Variants in YY1AP1 observed in about 807,000 individuals in gnomAD.
YY1AP1 encodes YY1 associated protein 1, also known as YY1-associated protein 1.
YY1AP1 carries 43 observed loss-of-function variants against 39.9 expected under a neutral mutation model. The observed-to-expected ratio is 1.08, with a 90% confidence interval of 0.84 to 1.39. The LOEUF (loss-of-function observed/expected upper bound fraction) is 1.39, where lower values mean the gene tolerates loss of function less well. YY1AP1 is among the 40% of genes most tolerant of loss of function. The pLI is 0.00. For synonymous variants in YY1AP1, 292 were observed against 331.3 expected, an observed-to-expected ratio of 0.88 and a Z score of 1.29; for missense variants, 813 against 900.7, an observed-to-expected ratio of 0.90 and a Z score of 1.25.
At chr1:155,669,703 T>C (rs2149041532) in intron 8 of YY1AP1, among the ~76,000 whole-genome samples, 1 of 152,282 alleles carries the variant, frequency 6.6e-6, no homozygotes, top group Admixed American at 6.5e-5. Flanking sequence ...CTGTTAACAG[T>C]GTGGCAATAC....
chr1:155,682,520 T>C (rs1651668546), intron 2 of YY1AP1, among the ~76,000 whole-genome samples: 1 of 152,002 alleles, frequency 6.6e-6, no homozygotes, highest in Admixed American at 6.6e-5. Flanking sequence ...CCACAACACC[T>C]GGATAATTTT....
Position 155,660,450 on chromosome 1 carries a change from G to C in YY1AP1, c.1460C>G (p.Pro487Arg), listed in dbSNP as rs373553503. 13 of 1,613,994 alleles carry C rather than the reference G, an allele frequency of 8.1e-6. No individual in the cohort carries two copies. The African/African-American group carries it at 1.6e-4, about 20-fold the overall frequency. Residue 487 changes from proline (P) to arginine (R), a missense_variant, in exon 11 of 11, where the codon CCC becomes CGC. Around this residue, in one of 3 missense-constraint regions of YY1AP1, gnomAD observed 586 missense variants for 647.4 expected, o/e 0.91. Coordinates refer to ENST00000355499, the MANE Select transcript of YY1AP1 (RefSeq NM_139119.3). The stretch of plus-strand genomic sequence containing the variant: ...AGGGAAGCTTGTCCTGGCCTCAGGG[G>C]GCATAGCAGGCAGTGCTGCAGGAGA... ...FESPAALPAM[P>R]PEARTSFPLS... is the part of the protein sequence containing the mutation.
rs1309011144 is a variant in YY1AP1 at position 155,660,516 on chromosome 1, C to T, written c.1394G>A (p.Gly465Asp). 6.2e-7 allele frequency: 1 copy of T among 1,614,162 alleles called. No homozygotes were observed. The highest frequency in any genetic ancestry group is 1.7e-5 in the Admixed American group (1 of 60,030). The change falls in exon 11 of 11, where the codon GGT becomes GAT. Residue 465 changes from glycine (G) to aspartate (D), a missense_variant. By Grantham distance (94) the Gly-to-Asp change is moderately conservative. Around this residue, in one of 3 missense-constraint regions of YY1AP1, gnomAD observed 586 missense variants for 647.4 expected, o/e 0.91. Coordinates refer to ENST00000355499, the MANE Select transcript of YY1AP1 (RefSeq NM_139119.3). ...QPATVLQTVP[G>D]VPPLGVSGGE... Reference sequence around the variant, plus strand: ...TCCACTGACCCCCAGTGGAGGGACACCTGGAACTGTCTGTAAAACAGTGGC... The same window carrying T: ...TCCACTGACCCCCAGTGGAGGGACATCTGGAACTGTCTGTAAAACAGTGGC...
chr1:155,680,482 T>C, intron 2 of YY1AP1, 26 bp from the exon 3 acceptor site: 1 of 1,601,892 alleles, frequency 6.2e-7, no homozygotes, highest in Non-Finnish European at 8.6e-7. Context: ...ACGTTGTTGG[T>C]ATAAATTAGA....
intron 9 of YY1AP1, among the ~76,000 whole-genome samples, chr1:155,664,109 G>C (rs910159724): frequency 6.6e-6 from 1 of 151,190 alleles, no homozygotes; most frequent in East Asian, 1.9e-4. Flanking sequence ...GGGCAACAGG[G>C]TGGGACCCTG....
intron 1 of YY1AP1, 50 bp from the exon 2 acceptor site, chr1:155,688,251 C>G: frequency 6.2e-7 from 1 of 1,607,868 alleles, no homozygotes; most frequent in Non-Finnish European, 8.5e-7. Context: ...GCTAAAGGGG[C>G]AAACTGAGAG....
Position 155,660,573 on chromosome 1 carries a change from A to T in YY1AP1, c.1337T>A (p.Met446Lys). The T allele has an allele frequency of 1.2e-6, 2 of 1,614,048 alleles. No individual in the cohort carries two copies. The highest frequency in any genetic ancestry group is 1.7e-6 in the Non-Finnish European group (2 of 1,179,980). ...TATTGGGTGAGGAATCCGGAGCACC[A>T]TTTTGCTCGGAGGGGCTTCTGAATG... ...STHSEAPPSK[M>K]VLRIPHPIQP... Residue 446 changes from methionine to lysine, a missense_variant, in exon 11 of 11, where the codon ATG (methionine) becomes AAG (lysine). Around this residue, in one of 3 missense-constraint regions of YY1AP1, gnomAD observed 586 missense variants for 647.4 expected, o/e 0.91. Coordinates refer to ENST00000355499, the MANE Select transcript of YY1AP1 (RefSeq NM_139119.3).
At chr1:155,678,952 G>T (rs1651123050) in intron 4 of YY1AP1, among the ~76,000 whole-genome samples, 1 of 152,182 alleles carries the variant, frequency 6.6e-6, no homozygotes, top group Admixed American at 6.5e-5. Flanking sequence ...AGGCAAAAAG[G>T]TCAGCACGTA....
intron 2 of YY1AP1, among the ~76,000 whole-genome samples, chr1:155,683,987 C>T (rs1651870131): frequency 6.6e-6 from 1 of 152,178 alleles, no homozygotes; most frequent in South Asian, 2.1e-4. Context: ...GTGGCTCACT[C>T]CTATAATCCC....
intron 6 of YY1AP1, among the ~76,000 whole-genome samples, chr1:155,673,435 GT>G (rs1650154483): frequency 6.6e-6 from 1 of 152,208 alleles, no homozygotes; most frequent in Non-Finnish European, 1.5e-5. Flanking sequence ...CACCAAGGAA[GT>G]TTTAGAATAC....
intron 1 of YY1AP1, 129 bp downstream of exon 1, chr1:155,688,530 A>G: frequency 5.2e-6 from 8 of 1,542,950 alleles, no homozygotes; most frequent in Non-Finnish European, 5.2e-6. Flanking sequence ...GCTCCCACCA[A>G]CCACCACCTT....
intron 4 of YY1AP1, among the ~76,000 whole-genome samples, chr1:155,678,652 C>A (rs575808156): frequency 6.6e-6 from 1 of 152,214 alleles, no homozygotes; most frequent in African/African-American, 2.4e-5. Context: ...ATTGGTTGGC[C>A]TATCTTATCT....
chr1:155,661,202 T>C, intron 10 of YY1AP1, 105 bp downstream of exon 10: 1 of 1,612,720 alleles, frequency 6.2e-7, no homozygotes, highest in African/African-American at 1.3e-5. Flanking sequence ...CCTGAAGTCC[T>C]AGTTCTACAA....
chr1:155,659,770 G>C lies in YY1AP1; in HGVS notation c.2140C>G (p.Pro714Ala), dbSNP rs1647736392. The C allele has an allele frequency of 6.2e-7, 1 of 1,614,222 alleles. No individual in the cohort carries two copies. The highest frequency in any genetic ancestry group is 2.2e-5 in the East Asian group (1 of 44,888). ...KTEEGRQALE[P>A]LPQGIQESLN... The stretch of plus-strand genomic sequence containing the variant: ...GACTCCTGGATGCCCTGAGGGAGCG[G>C]CTCCAGAGCTTGCCTTCCCTCCTCT... Residue 714 changes from proline to alanine, a missense_variant, in exon 11 of 11, where the codon CCG becomes GCG. Transcript: ENST00000355499.
chr1:155,679,890 T>G (rs932918726), intron 3 of YY1AP1: 115 of 757,868 alleles, frequency 1.5e-4, no homozygotes, highest in Non-Finnish European at 1.9e-4. Context: ...GGGGAAGCCA[T>G]CAAAAGTTTT....
At chr1:155,688,872 T>G, upstream of YY1AP1, 1 of 1,608,712 alleles carries the variant, frequency 6.2e-7, no homozygotes, top group African/African-American at 1.3e-5. Context: ...AAAGCGAGTC[T>G]GGCTTGCCGT....
Position 155,682,405 on chromosome 1 carries a change from A to T in YY1AP1, c.-20-1949T>A, listed in dbSNP as rs376251077. ...GCTATTTAGAAGATAAAAAATAGAC[A>T]TTTTTTTCAACAATCATTTTACTTT... On this transcript the variant is annotated intron_variant, in intron 2 of 10. Coordinates refer to ENST00000355499, the MANE Select transcript of YY1AP1 (RefSeq NM_139119.3). Among the ~76,000 whole-genome samples the T allele has an allele frequency of 4.6e-5, 7 of 152,070 alleles. No individual in the cohort carries two copies. In the East Asian group the frequency reaches 1.2e-3, roughly 25 times the overall value.
In YY1AP1 at chr1:155,679,438, T is replaced by C. The variant is rs746454557; in HGVS notation, c.96A>G (p.Gln32=). The change falls in exon 4 of 11, where the codon CAA becomes CAG. Residue 32 remains glutamine, a synonymous_variant. Coordinates refer to ENST00000355499, the MANE Select transcript of YY1AP1 (RefSeq NM_139119.3). Reference sequence around the variant, plus strand: ...GAGCTTGAGGGGTGTTAAAGTTAGCTTGAGGCTCAGCCACACGCTCCTCCT... The same window carrying C: ...GAGCTTGAGGGGTGTTAAAGTTAGCCTGAGGCTCAGCCACACGCTCCTCCT... ...PEEEERVAEP[Q]ANFNTPQALR... 4.3e-6 allele frequency: 7 copies of C among 1,614,222 alleles called. No homozygotes were observed. The highest frequency in any genetic ancestry group is 3.3e-5 in the South Asian group (3 of 91,082).
intron 1 of YY1AP1, 185 bp downstream of exon 1, chr1:155,688,474 A>C: frequency 5.2e-6 from 8 of 1,549,496 alleles, no homozygotes; most frequent in Non-Finnish European, 7.0e-6. Flanking sequence ...TGTAGCGCGC[A>C]CGTCAGCCCG....
Sources: gnomAD v4.1 joint callset for allele counts (sites outside exome capture counted in the v4.1 genomes callset) on GRCh38, gnomAD v4.1.1 for gene constraint, gnomAD v4.1.1 regional missense constraint, MANE v1.5 for transcripts, NCBI Gene and HGNC (gene_info 2026-07-23, HGNC 2026-07-21) for gene names.